The following STARD13 variants were observed in gnomAD, a reference collection of about 807,000 sequenced individuals.
The protein encoded by STARD13 is StAR related lipid transfer domain containing 13, also known as stAR-related lipid transfer protein 13.
Under a neutral mutation model 106.4 loss-of-function variants are expected in STARD13, and 62 were observed. That is an observed-to-expected ratio of 0.58 (90% CI 0.48 to 0.72). The LOEUF (loss-of-function observed/expected upper bound fraction) is 0.72. Ranked by LOEUF, STARD13 falls within the 30% of genes least tolerant of loss-of-function variation. STARD13 has a pLI of 0.00. For missense variants in STARD13, 1,387 were observed against 1,424.0 expected (o/e 0.97, Z 0.42); for synonymous variants, 565 against 553.0 (o/e 1.02, Z -0.31).
chr13:33,232,866 C>T (rs1373051462), intron 1 of STARD13, among the ~76,000 whole-genome samples: 1 of 152,186 alleles, frequency 6.6e-6, no homozygotes, highest in African/African-American at 2.4e-5. Flanking sequence ...TCCCTAATTC[C>T]CTGTTTTCCT....
In STARD13 at chr13:33,285,598, T is replaced by C. The variant is rs148158868; in HGVS notation, c.41A>G (p.Tyr14Cys). The C allele has an allele frequency of 3.6e-4, 578 of 1,613,858 alleles. 2 individuals are homozygous for C. In the African/African-American group the frequency reaches 7.1e-3, roughly 20 times the overall value. The change falls in exon 1 of 14, where the codon TAC becomes TGC. Residue 14 changes from tyrosine (Y) to cysteine (C), a missense_variant. By Grantham distance (194) the Tyr-to-Cys change is radical. Transcript: ENST00000336934. ...QVPRTPASGC[Y>C]YLNSMTPEGQ... ...CTCAGGTGTCATGGAATTTAGGTAG[T>C]AGCAGCCTGAGGCTGGGGTCCTGGG...
chr13:33,640,474 G>C, the STARD13 span, among the ~76,000 whole-genome samples: 1 of 152,176 alleles, frequency 6.6e-6, no homozygotes, highest in Non-Finnish European at 1.5e-5. Flanking sequence ...CCAGCCTGGA[G>C]TTCCATTCAG....
the STARD13 span, among the ~76,000 whole-genome samples, chr13:33,356,003 A>T: frequency 6.6e-6 from 1 of 152,254 alleles, no homozygotes; most frequent in Non-Finnish European, 1.5e-5. Context: ...CCTGATGTAG[A>T]CTGGTAAATG....
At chr13:33,530,276 C>A in the STARD13 span, among the ~76,000 whole-genome samples, 3 of 152,126 alleles carry the variant, frequency 2.0e-5, no homozygotes, top group African/African-American at 7.2e-5. Context: ...TTTGCAAGAA[C>A]TCCCCGAGCC....
chr13:33,238,304 T>C (rs1023213462), intron 1 of STARD13, among the ~76,000 whole-genome samples: 4 of 152,162 alleles, frequency 2.6e-5, no homozygotes, highest in Non-Finnish European at 5.9e-5. Context: ...TATTTAATAG[T>C]TAAAACCTAA....
intron 1 of STARD13, among the ~76,000 whole-genome samples, chr13:33,249,565 C>T (rs183525463): frequency 1.6e-4 from 25 of 152,288 alleles, no homozygotes; most frequent in African/African-American, 6.0e-4. Context: ...TTTCTAATCC[C>T]TGCAACAATC....
upstream of STARD13, among the ~76,000 whole-genome samples, chr13:33,353,501 G>C (rs753352569): frequency 1.3e-5 from 2 of 152,118 alleles, no homozygotes; most frequent in Non-Finnish European, 2.9e-5. Context: ...TCCTTCTTAA[G>C]GCCTGACAGG....
chr13:33,204,597 A>G (rs190582296), intron 1 of STARD13, among the ~76,000 whole-genome samples: 126 of 152,374 alleles, frequency 8.3e-4, no homozygotes, highest in African/African-American at 2.9e-3. Context: ...TGCTAAGAAC[A>G]CTAATGAGAC....
chr13:33,481,350 C>T, the STARD13 span, among the ~76,000 whole-genome samples: 184 of 151,960 alleles, frequency 1.2e-3, 1 homozygote, highest in Non-Finnish European at 1.7e-3. Context: ...GCTAACATCA[C>T]AAAAAAGAAA....
chr13:33,380,390 G>C, the STARD13 span, among the ~76,000 whole-genome samples: 1 of 150,582 alleles, frequency 6.6e-6, no homozygotes, highest in African/African-American at 2.5e-5. Flanking sequence ...ACTCCAGCCT[G>C]GGCAACTGAG....
chr13:33,543,817 C>T, the STARD13 span, among the ~76,000 whole-genome samples: 1 of 152,166 alleles, frequency 6.6e-6, no homozygotes, highest in African/African-American at 2.4e-5. Context: ...TAGGACCACA[C>T]CTGGAATAAT....
the STARD13 span, among the ~76,000 whole-genome samples, chr13:33,376,957 G>T: frequency 6.6e-6 from 1 of 152,196 alleles, no homozygotes; most frequent in Non-Finnish European, 1.5e-5. Context: ...GAAAAGGAGG[G>T]TTGGCTTTGG....
intron 1 of STARD13, among the ~76,000 whole-genome samples, chr13:33,209,331 G>C (rs74918227): frequency 0.023 from 3,563 of 152,230 alleles, 67 homozygotes; most frequent in Non-Finnish European, 0.037. Flanking sequence ...CTGTGTGCCT[G>C]AGCCAATCAG....
the STARD13 span, among the ~76,000 whole-genome samples, chr13:33,517,898 C>T: frequency 2.0e-5 from 3 of 151,998 alleles, no homozygotes; most frequent in Non-Finnish European, 4.4e-5. Flanking sequence ...TACTGAGAAC[C>T]GCCTGCCCTG....
chr13:33,226,385 C>T (rs1888626028), intron 1 of STARD13, among the ~76,000 whole-genome samples: 1 of 150,466 alleles, frequency 6.6e-6, no homozygotes, highest in Non-Finnish European at 1.5e-5. Context: ...CTACTGCCAG[C>T]TATTGCCATA....
the STARD13 span, among the ~76,000 whole-genome samples, chr13:33,448,339 A>G: frequency 6.6e-6 from 1 of 152,156 alleles, no homozygotes; most frequent in African/African-American, 2.4e-5. Context: ...TTTAGATTTC[A>G]TATAAGTGAC....
the STARD13 span, among the ~76,000 whole-genome samples, chr13:33,611,991 C>G: frequency 6.6e-6 from 1 of 152,060 alleles, no homozygotes; most frequent in Non-Finnish European, 1.5e-5. Flanking sequence ...GAAGAGAACA[C>G]AAAAGGAATA....
the STARD13 span, among the ~76,000 whole-genome samples, chr13:33,653,247 A>G: frequency 6.6e-6 from 1 of 152,196 alleles, no homozygotes; most frequent in African/African-American, 2.4e-5. Flanking sequence ...GAACAAAGTT[A>G]CAAGACTCAA....
the STARD13 span, among the ~76,000 whole-genome samples, chr13:33,558,895 C>T: frequency 6.6e-6 from 1 of 151,566 alleles, no homozygotes; most frequent in Admixed American, 6.6e-5. Context: ...CAGTAATCCT[C>T]AGGTTCAGTG....
Sources: gnomAD v4.1 joint callset for allele counts (sites outside exome capture counted in the v4.1 genomes callset) on GRCh38, gnomAD v4.1.1 for gene constraint, MANE v1.5 for transcripts, NCBI Gene and HGNC (gene_info 2026-07-23, HGNC 2026-07-21) for gene names.